Variants in GRIK4 observed in about 807,000 individuals in gnomAD.
GRIK4 encodes the protein glutamate ionotropic receptor kainate type subunit 4, also known as glutamate receptor ionotropic, kainate 4.
Under a neutral mutation model 104.9 loss-of-function variants are expected in GRIK4, and 40 were observed. The ratio of observed to expected loss-of-function variants is 0.38; its 90% confidence interval spans 0.30 to 0.50. GRIK4 has a LOEUF of 0.50. GRIK4 is among the 20% of genes least tolerant of loss of function. The pLI is 0.93. For synonymous variants in GRIK4, 485 were observed against 524.9 expected (o/e 0.92, Z 1.04); for missense variants, 1,047 against 1,308.1 (o/e 0.80, Z 3.08).
At chr11:120,898,187 G>A (rs925274127) in intron 11 of GRIK4, among the ~76,000 whole-genome samples, 5 of 152,118 alleles carry the variant, frequency 3.3e-5, no homozygotes, top group African/African-American at 1.2e-4. Context: ...AAAGAACTCC[G>A]CAGCCCATCC....
chr11:120,603,774 T>C (rs765015981), intron 1 of GRIK4, among the ~76,000 whole-genome samples: 5 of 152,296 alleles, frequency 3.3e-5, no homozygotes, highest in African/African-American at 4.8e-5. Flanking sequence ...TGAGGACATT[T>C]TTGTTGCCAC....
At chr11:120,548,616 G>A (rs1948109729) in intron 1 of GRIK4, among the ~76,000 whole-genome samples, 2 of 152,126 alleles carry the variant, frequency 1.3e-5, no homozygotes, top group Middle Eastern at 3.2e-3. Flanking sequence ...GGCCCGACAT[G>A]ATCCTTTTGA....
At chr11:120,748,391 G>A (rs1363814657) in intron 3 of GRIK4, among the ~76,000 whole-genome samples, 2 of 151,990 alleles carry the variant, frequency 1.3e-5, no homozygotes, top group Non-Finnish European at 1.5e-5. Flanking sequence ...TCTCCTTGAT[G>A]TACGCAGGCC....
chr11:120,641,638 C>A (rs1178225097), intron 1 of GRIK4, among the ~76,000 whole-genome samples: 1 of 152,182 alleles, frequency 6.6e-6, no homozygotes, highest in Non-Finnish European at 1.5e-5. Flanking sequence ...CATGCTAATG[C>A]ATTATAATAG....
rs552271742 is a variant in GRIK4 at position 120,901,462 on chromosome 11, G to A, written c.1272+2823G>A. Among the ~76,000 whole-genome samples, 50 of 152,208 alleles carry A rather than the reference G, an allele frequency of 3.3e-4. 1 individual carries two copies. The highest frequency in any genetic ancestry group is 7.9e-4 in the African/African-American group (33 of 41,534). ...TCTGCTCAGATGTCACGTCTCCCAC[G>A]AAGCCTTCCCTGCTCTAACTCCTGT... is the stretch of plus-strand genomic sequence containing the variant. On this transcript the variant is annotated intron_variant, in intron 12 of 20. Transcript: ENST00000527524.
intron 1 of GRIK4, among the ~76,000 whole-genome samples, chr11:120,570,224 G>A (rs1948380177): frequency 6.6e-6 from 1 of 152,174 alleles, no homozygotes; most frequent in Non-Finnish European, 1.5e-5. Flanking sequence ...ATTTTAAAAA[G>A]CTATTGTGAT....
intron 14 of GRIK4, among the ~76,000 whole-genome samples, chr11:120,944,572 A>G (rs1943810818): frequency 6.6e-6 from 1 of 152,176 alleles, no homozygotes; most frequent in South Asian, 2.1e-4. Flanking sequence ...TCACCTCCCA[A>G]AGAGTTCTCA....
chr11:120,969,170 C>G (rs905192824), intron 19 of GRIK4, among the ~76,000 whole-genome samples: 2 of 152,190 alleles, frequency 1.3e-5, no homozygotes, highest in African/African-American at 4.8e-5. Context: ...AATTCACTTA[C>G]TTGAAGTGGT....
intron 3 of GRIK4, among the ~76,000 whole-genome samples, chr11:120,745,139 A>G (rs1454895821): frequency 2.6e-5 from 4 of 152,174 alleles, no homozygotes; most frequent in Non-Finnish European, 5.9e-5. Flanking sequence ...AGAGGCCTCC[A>G]GTTTTCATCC....
chr11:120,752,182 G>A (rs999747475), intron 3 of GRIK4, among the ~76,000 whole-genome samples: 11 of 152,174 alleles, frequency 7.2e-5, no homozygotes, highest in African/African-American at 2.7e-4. Context: ...GGCAACCGGG[G>A]CCTGCCCAAG....
At chr11:120,911,184 T>C (rs1416988554) in intron 13 of GRIK4, among the ~76,000 whole-genome samples, 1 of 150,750 alleles carries the variant, frequency 6.6e-6, no homozygotes, top group East Asian at 2.0e-4. Context: ...TTGCAAGAGA[T>C]GGTGAGAACC....
chr11:120,622,945 T>C (rs1189786873), intron 1 of GRIK4, among the ~76,000 whole-genome samples: 4 of 152,240 alleles, frequency 2.6e-5, no homozygotes, highest in African/African-American at 9.6e-5. Context: ...ATCACATCTT[T>C]TGCCATGCAA....
chr11:120,531,063 A>C (rs1468845087), intron 1 of GRIK4, among the ~76,000 whole-genome samples: 3 of 152,208 alleles, frequency 2.0e-5, no homozygotes, highest in Non-Finnish European at 4.4e-5. Flanking sequence ...GAGCGGAAGG[A>C]TGGAGCTGTC....
intron 1 of GRIK4, among the ~76,000 whole-genome samples, chr11:120,617,129 C>T (rs538789759): frequency 5.3e-5 from 8 of 152,204 alleles, no homozygotes; most frequent in East Asian, 1.9e-4. Flanking sequence ...TGGGCAAGAG[C>T]GTAAAACCTT....
chr11:120,647,933 G>A (rs1413980340), intron 1 of GRIK4, among the ~76,000 whole-genome samples: 1 of 152,192 alleles, frequency 6.6e-6, no homozygotes, highest in Non-Finnish European at 1.5e-5. Flanking sequence ...CAAGCATGTG[G>A]GTATGCTGGC....
chr11:120,822,835 C>G (rs569057496), intron 6 of GRIK4, among the ~76,000 whole-genome samples: 7 of 152,174 alleles, frequency 4.6e-5, no homozygotes, highest in Middle Eastern at 3.2e-3. Context: ...ACTCAGATGT[C>G]CTGTGGCCAA....
At chr11:120,974,451 G>C (rs983162021) in intron 19 of GRIK4, among the ~76,000 whole-genome samples, 1 of 152,212 alleles carries the variant, frequency 6.6e-6, no homozygotes, top group Non-Finnish European at 1.5e-5. Flanking sequence ...CTCTGAAACT[G>C]AGAGTGGCTG....
At chr11:120,688,048 C>G (rs980979474) in intron 3 of GRIK4, among the ~76,000 whole-genome samples, 8 of 152,186 alleles carry the variant, frequency 5.3e-5, no homozygotes, top group African/African-American at 1.9e-4. Flanking sequence ...CAGAGCTCTG[C>G]TGGCTTCTTT....
chr11:120,558,857 C>G (rs965907156), intron 1 of GRIK4, among the ~76,000 whole-genome samples: 3 of 152,184 alleles, frequency 2.0e-5, no homozygotes, highest in African/African-American at 7.2e-5. Context: ...ATTGGACCTT[C>G]TCTTGTGTCT....
Sources: gnomAD v4.1 joint callset for allele counts (sites outside exome capture counted in the v4.1 genomes callset) on GRCh38, gnomAD v4.1.1 for gene constraint, MANE v1.5 for transcripts, NCBI Gene and HGNC (gene_info 2026-07-23, HGNC 2026-07-21) for gene names.